The following DCDC2C variants were observed in gnomAD, a reference collection of about 807,000 sequenced individuals.
DCDC2C encodes doublecortin domain containing 2C.
In DCDC2C, 44 loss-of-function variants were observed where a neutral mutation model predicts 45.0. The ratio of observed to expected loss-of-function variants is 0.98; its 90% CI spans 0.77 to 1.26. The LOEUF (loss-of-function observed/expected upper bound fraction) is 1.26. Ranked by LOEUF, DCDC2C falls within the 50% of genes most tolerant of loss-of-function variation. The pLI is 0.00. For synonymous variants in DCDC2C, 187 were observed against 178.8 expected (o/e 1.05, Z -0.37); for missense variants, 447 against 468.9 (o/e 0.95, Z 0.43).
rs534773491 is a variant in DCDC2C, at chr2:3,769,148, G to A, written c.854-163G>A. The stretch of plus-strand genomic sequence containing the variant: ...GCAGATGCAAACAGGAAGGGCGAGA[G>A]GGAAACGGGGTGAGGCGGACGGGGT... On this transcript the variant is annotated intron_variant, in intron 7 of 10. Transcript: ENST00000399143. 1,457 of 612,368 alleles carry A rather than the reference G, an allele frequency of 2.4e-3. 4 individuals are homozygous for A. The highest frequency in any genetic ancestry group is 3.6e-3 in the Non-Finnish European group (1,244 of 347,608). 37.9% of individuals were successfully genotyped at this position (612,368 alleles called of 1,614,324 possible). A position where few individuals can be genotyped will look rare whatever the true frequency, so the allele number is the denominator to read the frequency against.
chr2:3,819,261 GTCCAGTT>G, intron 10 of DCDC2C, among the ~76,000 whole-genome samples: 1 of 152,358 alleles, frequency 6.6e-6, no homozygotes, highest in Non-Finnish European at 1.5e-5. Flanking sequence ...GAGTTGGACA[GTCCAGTT>G]TCCAGTGGGG....
At chr2:3,724,923 G>T (rs1668595984) in intron 2 of DCDC2C, among the ~76,000 whole-genome samples, 1 of 152,210 alleles carries the variant, frequency 6.6e-6, no homozygotes, top group African/African-American at 2.4e-5. Context: ...TGAACTCCTT[G>T]TTGGCAGTGG....
intron 2 of DCDC2C, among the ~76,000 whole-genome samples, chr2:3,726,374 G>A (rs995291950): frequency 2.6e-5 from 4 of 152,080 alleles, no homozygotes; most frequent in Non-Finnish European, 5.9e-5. Flanking sequence ...CAGTAGGGCC[G>A]TGAGGATGAC....
In DCDC2C at chr2:3,703,903, C is replaced by T. The variant is rs974284891; in HGVS notation, c.152C>T (p.Thr51Met). The T allele has an allele frequency of 5.2e-6, 7 of 1,338,334 alleles. No homozygotes were observed. The highest frequency in any genetic ancestry group is 3.8e-5 in the South Asian group (2 of 52,796). 82.9% of individuals were successfully genotyped at this position (1,338,334 alleles called of 1,614,324 possible). ...ATFEALLEQLTEQVDVPFGVR... is the reference protein window; with the variant it reads ...ATFEALLEQLMEQVDVPFGVR... ...TTCGAGGCGCTGCTGGAGCAGCTCACGGAGCAGGTGGACGTCCCGTTCGGC... is the reference window on the plus strand; with the variant it reads ...TTCGAGGCGCTGCTGGAGCAGCTCATGGAGCAGGTGGACGTCCCGTTCGGC... Residue 51 changes from threonine (T) to methionine (M), a missense_variant, in exon 1 of 11, where the codon ACG becomes ATG. Physicochemically the swap from Thr to Met is moderately conservative, Grantham distance 81. Coordinates refer to ENST00000399143, the MANE Select transcript of DCDC2C (RefSeq NM_001287444.2). This position sits in a 1 kb window ranked among gnomAD's most constrained non-coding sequence, Gnocchi z 4.4.
chr2:3,769,322 T>C lies in DCDC2C; in HGVS notation c.865T>C (p.Tyr289His). The C allele has an allele frequency of 6.4e-7, 1 of 1,550,406 alleles. No homozygotes were observed. The highest frequency in any genetic ancestry group is 8.7e-7 in the Non-Finnish European group (1 of 1,146,856). ...LVQRGAEGDV[Y>H]KAPTPSKETQ... ...TGATTTTCTCCCAGAAGGTGACGTG[T>C]ATAAAGCACCGACTCCTAGCAAGGA... Residue 289 changes from tyrosine to histidine, a missense_variant, in exon 8 of 11, where the codon TAT becomes CAT. Transcript: ENST00000399143.
chr2:3,782,054 T>TGG (rs1670523968), intron 9 of DCDC2C, among the ~76,000 whole-genome samples: 1 of 152,212 alleles, frequency 6.6e-6, no homozygotes, highest in South Asian at 2.1e-4. Context: ...GTCACGGCTA[T>TGG]GGTCTGGTTC....
chr2:3,776,817 C>T (rs1202267098), intron 8 of DCDC2C, among the ~76,000 whole-genome samples: 3 of 152,194 alleles, frequency 2.0e-5, no homozygotes, highest in Admixed American at 2.0e-4. Flanking sequence ...GAGAATGCAA[C>T]TCGCGGTCTC....
chr2:3,703,892 G>A lies in DCDC2C; in HGVS notation c.141G>A (p.Leu47=), dbSNP rs1401647591. Residue 47 remains leucine, a synonymous_variant, in exon 1 of 11, where the codon CTG becomes CTA. Transcript: ENST00000399143. The surrounding 1 kb of genome is among the most constrained non-coding windows in gnomAD (Gnocchi z 4.4). ...GCGCGGCCACCTTCGAGGCGCTGCT[G>A]GAGCAGCTCACGGAGCAGGTGGACG... ...RRRAATFEAL[L]EQLTEQVDVP... is the part of the protein sequence containing the mutation. 7.5e-7 allele frequency: 1 copy of A among 1,327,922 alleles called. No homozygotes were observed. The highest frequency in any genetic ancestry group is 9.7e-7 in the Non-Finnish European group (1 of 1,034,646). 82.3% of individuals were successfully genotyped at this position (1,327,922 alleles called of 1,614,324 possible).
At chr2:3,716,704 C>T (rs1278928861) in intron 2 of DCDC2C, among the ~76,000 whole-genome samples, 1 of 152,024 alleles carries the variant, frequency 6.6e-6, no homozygotes. Flanking sequence ...GAGAAATGGC[C>T]TTGGGTGGGT....
At chr2:3,805,287 G>A (rs541251006) in intron 10 of DCDC2C, among the ~76,000 whole-genome samples, 59 of 152,304 alleles carry the variant, frequency 3.9e-4, no homozygotes, top group African/African-American at 1.3e-3. Flanking sequence ...GCTGGCACTC[G>A]GGGAAACCTG....
chr2:3,784,384 T>C (rs1257621053), intron 9 of DCDC2C, among the ~76,000 whole-genome samples: 1 of 152,078 alleles, frequency 6.6e-6, no homozygotes, highest in East Asian at 1.9e-4. Flanking sequence ...CTGCACTTTT[T>C]TAAACCATTA....
intron 7 of DCDC2C, 31 bp downstream of exon 7, chr2:3,767,911 G>A: frequency 7.1e-7 from 1 of 1,415,454 alleles, no homozygotes; most frequent in Non-Finnish European, 9.2e-7. Context: ...GCTGTAGGCA[G>A]TTCGAAACTT....
intron 3 of DCDC2C, 50 bp from the exon 4 acceptor site, chr2:3,741,870 C>T (rs1209488127): frequency 6.7e-6 from 10 of 1,496,616 alleles, no homozygotes; most frequent in Non-Finnish European, 5.4e-6. Context: ...TTCAATGTTT[C>T]CCCCTCAAAC....
At chr2:3,756,612 G>C (rs1224749175) in intron 6 of DCDC2C, among the ~76,000 whole-genome samples, 1 of 152,244 alleles carries the variant, frequency 6.6e-6, no homozygotes, top group Non-Finnish European at 1.5e-5. Context: ...ATGCAGCGTG[G>C]TGTTGTTGGA....
intron 10 of DCDC2C, among the ~76,000 whole-genome samples, chr2:3,837,109 C>G (rs929438279): frequency 6.6e-6 from 1 of 151,480 alleles, no homozygotes; most frequent in African/African-American, 2.5e-5. Context: ...TGCTGGACCC[C>G]TGAGACGCTT....
At chr2:3,742,152 C>A in intron 4 of DCDC2C, 104 bp downstream of exon 4, 2 of 1,282,698 alleles carry the variant, frequency 1.6e-6, no homozygotes, top group South Asian at 1.9e-5. Context: ...AATGATTCAC[C>A]ATAAACTCTT....
chr2:3,829,780 G>C (rs1357362763), intron 10 of DCDC2C, among the ~76,000 whole-genome samples: 1 of 152,094 alleles, frequency 6.6e-6, no homozygotes, highest in East Asian at 1.9e-4. Flanking sequence ...TCTGGGTTTC[G>C]GGGCCTTCGG....
intron 10 of DCDC2C, among the ~76,000 whole-genome samples, chr2:3,812,097 A>G (rs981354400): frequency 2.0e-5 from 3 of 152,116 alleles, no homozygotes; most frequent in Admixed American, 2.0e-4. Flanking sequence ...GGCTTCATAA[A>G]ATGAGTGATG....
chr2:3,754,653 CAAGT>C lies in DCDC2C; in HGVS notation c.726+26_726+29del, dbSNP rs748557386. ...GAAAAAAGTAAGTAACTTTTTAAAA[CAAGT>C]AAGTAACTTGTTTCTGATTCTGGCG... On this transcript the variant is annotated intron_variant, in intron 6 of 10. Coordinates refer to ENST00000399143, the MANE Select transcript of DCDC2C (RefSeq NM_001287444.2). 6.5e-7 allele frequency: 1 copy of C among 1,545,444 alleles called. No individual in the cohort carries two copies. Among genetic ancestry groups the C allele is most frequent in the South Asian group, 1.2e-5 (1 of 83,690 alleles).
Sources: gnomAD v4.1 joint callset for allele counts (sites outside exome capture counted in the v4.1 genomes callset) on GRCh38, gnomAD v4.1.1 for gene constraint, Gnocchi (gnomAD v3.1) non-coding constraint, MANE v1.5 for transcripts, NCBI Gene and HGNC (gene_info 2026-07-23, HGNC 2026-07-21) for gene names.